The following RASL11B variants were observed in gnomAD, a reference collection of about 807,000 sequenced individuals.
RASL11B encodes ras-like protein family member 11B.
In RASL11B, 14 loss-of-function variants were observed where a neutral mutation model predicts 22.9. The ratio of observed to expected loss-of-function variants is 0.61; its 90% CI spans 0.40 to 0.96. The LOEUF (loss-of-function observed/expected upper bound fraction) is 0.96. Ranked by LOEUF, RASL11B falls within the 40% of genes least tolerant of loss-of-function variation. The pLI is 0.00. For missense variants in RASL11B, 261 were observed against 322.0 expected, an observed-to-expected ratio of 0.81 and a Z score of 1.45; for synonymous variants, 143 against 130.2, an observed-to-expected ratio of 1.10 and a Z score of -0.67.
chr4:52,864,445 G>A (rs1718221401), intron 2 of RASL11B, 33 bp from the exon 3 acceptor site: 1 of 1,335,596 alleles, frequency 7.5e-7, no homozygotes. Context: ...GTACAAGAAG[G>A]AAGAACATAA....
intron 2 of RASL11B, chr4:52,864,067 CTG>C (rs1217883543): frequency 6.0e-6 from 1 of 166,728 alleles, no homozygotes; most frequent in African/African-American, 2.4e-5. Context: ...ATAACATTGG[CTG>C]TGTGTTTACT....
chr4:52,863,428 T>A, intron 2 of RASL11B, 104 bp downstream of exon 2: 1 of 940,914 alleles, frequency 1.1e-6, no homozygotes, highest in South Asian at 1.4e-5. Flanking sequence ...AGTCCGAGCC[T>A]GAGGATCCCG....
At position 52,862,668 on chromosome 4, in the gene RASL11B, C is replaced by G. The variant is rs553572832; in HGVS notation, c.142+19C>G. 6.5e-7 allele frequency: 1 copy of G among 1,546,026 alleles called. No individual in the cohort carries two copies. The highest frequency in any genetic ancestry group is 8.6e-7 in the Non-Finnish European group (1 of 1,156,342). ...AAGACCGGTGAGTCGTCGCGCTTAG[C>G]CCTGGGTCTGGTCTTGGACGACCCC... On this transcript the variant is annotated intron_variant, in intron 1 of 3. Coordinates refer to ENST00000248706, the MANE Select transcript of RASL11B (RefSeq NM_023940.3).
In RASL11B at chr4:52,862,438, C is replaced by T. The variant is rs373135334; in HGVS notation, c.-70C>T. On this transcript the variant is annotated 5_prime_UTR_variant, in exon 1 of 4. Coordinates refer to ENST00000248706, the MANE Select transcript of RASL11B (RefSeq NM_023940.3). Reference sequence around the variant, plus strand: ...AGCCCCGCAGTCGGGTCCTCCCGCCCGCTCCCGCGCAGCGCTAGCATTCTC... The same window carrying T: ...AGCCCCGCAGTCGGGTCCTCCCGCCTGCTCCCGCGCAGCGCTAGCATTCTC... 7 of 1,523,662 alleles carry T rather than the reference C, an allele frequency of 4.6e-6. No homozygotes were observed. Among genetic ancestry groups the T allele is most frequent in the Middle Eastern group, 4.0e-4 (2 of 4,940 alleles). The allele number at this position is 1,523,662 out of a possible 1,614,324, so 94.4% of individuals were successfully genotyped here.
chr4:52,863,296 A>G lies in RASL11B; in HGVS notation c.171A>G (p.Arg57=). 1.2e-6 allele frequency: 2 copies of G among 1,613,832 alleles called. No individual in the cohort carries two copies. The highest frequency in any genetic ancestry group is 1.7e-6 in the Non-Finnish European group (2 of 1,179,914). ...TALVVRFLTK[R]FIGDYERNAG... ...TGGTGGTCCGGTTCCTCACCAAACG[A>G]TTCATCGGTGACTATGAAAGAAATG... is the stretch of plus-strand genomic sequence containing the variant. Residue 57 remains arginine (R), a synonymous_variant, in exon 2 of 4, where the codon CGA becomes CGG. Transcript: ENST00000248706.
In RASL11B at chr4:52,865,912, G is replaced by A. The variant is rs1170543363; in HGVS notation, c.*107G>A. The A allele has an allele frequency of 2.2e-5, 19 of 845,098 alleles. No homozygotes were observed. The African/African-American group carries it at 2.4e-4, about 11-fold the overall frequency. 52.3% of individuals were successfully genotyped at this position (845,098 alleles called of 1,614,324 possible). On this transcript the variant is annotated 3_prime_UTR_variant, in exon 4 of 4. Coordinates refer to ENST00000248706, the MANE Select transcript of RASL11B (RefSeq NM_023940.3). ...GCAATGATTCCTGGTTCCAGAAAGGGCTGGAGCAGAAGGGCCAAGAGGGCC... is the reference window on the plus strand; with the variant it reads ...GCAATGATTCCTGGTTCCAGAAAGGACTGGAGCAGAAGGGCCAAGAGGGCC...
chr4:52,862,618 C>T lies in RASL11B; in HGVS notation c.111C>T (p.Ala37=), dbSNP rs760717325. 3 of 1,589,080 alleles carry T rather than the reference C, an allele frequency of 1.9e-6. No individual in the cohort carries two copies. The highest frequency in any genetic ancestry group is 2.6e-6 in the Non-Finnish European group (3 of 1,173,380). Residue 37 remains alanine (A), a synonymous_variant, in exon 1 of 4, where the codon GCC becomes GCT. Coordinates refer to ENST00000248706, the MANE Select transcript of RASL11B (RefSeq NM_023940.3). ...GAAGRRLVKI[A]VVGASGVGKT... is the part of the protein sequence containing the mutation. ...CCGGCCGCCGCCTGGTCAAGATCGC[C>T]GTGGTGGGCGCCAGCGGCGTGGGCA...
At position 52,865,731 on chromosome 4, in the gene RASL11B, C is replaced by T. The variant is rs1204105682; in HGVS notation, c.673C>T (p.Pro225Ser). ...RTSLIPRPKS[P>S]NMQDLKRRFK... ...CTCCCTCATTCCCAGGCCCAAGTCACCCAACATGCAGGACCTGAAGAGGAG... is the reference window on the plus strand; with the variant it reads ...CTCCCTCATTCCCAGGCCCAAGTCATCCAACATGCAGGACCTGAAGAGGAG... The change falls in exon 4 of 4, where the codon CCC becomes TCC. Residue 225 changes from proline (P) to serine (S), a missense_variant. Physicochemically the swap from Pro to Ser is moderately conservative, Grantham distance 74 (BLOSUM62 -1). Transcript: ENST00000248706. The T allele has an allele frequency of 1.2e-6, 2 of 1,613,918 alleles. No homozygotes were observed. Among genetic ancestry groups the T allele is most frequent in the African/African-American group, 1.3e-5 (1 of 74,896 alleles).
rs1718177957 is a variant in RASL11B, at chr4:52,862,528, G to C, written c.21G>C (p.Met7Ile). MRLIQNMCTIAEYPAPG... is the reference protein window; with the variant it reads MRLIQNICTIAEYPAPG... ...AGGCGATGCGCCTCATTCAGAACAT[G>C]TGCACCATCGCCGAGTACCCCGCGC... The change falls in exon 1 of 4, where the codon ATG (methionine) becomes ATC (isoleucine). Residue 7 changes from methionine (M) to isoleucine (I), a missense_variant. Transcript: ENST00000248706. The C allele has an allele frequency of 6.2e-7, 1 of 1,606,918 alleles. No individual in the cohort carries two copies. Among genetic ancestry groups the C allele is most frequent in the Non-Finnish European group, 8.5e-7 (1 of 1,177,642 alleles).
At chr4:52,862,748 C>T in intron 1 of RASL11B, 99 bp downstream of exon 1, 4 of 1,348,092 alleles carry the variant, frequency 3.0e-6, no homozygotes, top group South Asian at 1.5e-5. Flanking sequence ...TGCAGCCCGA[C>T]CGCTCTCCGT....
At chr4:52,863,497 A>G (rs1006482801) in intron 2 of RASL11B, 173 bp downstream of exon 2, 2 of 624,020 alleles carry the variant, frequency 3.2e-6, no homozygotes, top group East Asian at 2.8e-5. Flanking sequence ...CATAACTACC[A>G]TCTGGCCTCA....
chr4:52,864,642 A>T, intron 3 of RASL11B, 88 bp downstream of exon 3: 1 of 899,796 alleles, frequency 1.1e-6, no homozygotes. Context: ...ATGCTGCAGG[A>T]TCAGAGAAAT....
chr4:52,865,185 C>A, intron 3 of RASL11B, 150 bp from the exon 4 acceptor site: 1 of 613,366 alleles, frequency 1.6e-6, no homozygotes, highest in Non-Finnish European at 2.8e-6. Context: ...AACATATTGT[C>A]AAGAAAGCTG....
At chr4:52,863,532 T>C (rs1177665909) in intron 2 of RASL11B, 2 of 592,070 alleles carry the variant, frequency 3.4e-6, no homozygotes, top group African/African-American at 3.7e-5. Context: ...CATTCATCAT[T>C]TTATCAAGTG....
At chr4:52,863,402 A>AC in intron 2 of RASL11B, 78 bp downstream of exon 2, 1 of 1,224,716 alleles carries the variant, frequency 8.2e-7, no homozygotes, top group Non-Finnish European at 1.2e-6. Flanking sequence ...CTTCCCAGGG[A>AC]GGTTCTTTCA....
intron 2 of RASL11B, among the ~76,000 whole-genome samples, chr4:52,863,820 T>C (rs925091632): frequency 1.3e-5 from 2 of 152,090 alleles, no homozygotes; most frequent in African/African-American, 2.4e-5. Context: ...GGAGGAGAAT[T>C]CCCGAATAAA....
intron 1 of RASL11B, among the ~76,000 whole-genome samples, chr4:52,862,918 T>G (rs777315919): frequency 2.0e-5 from 3 of 152,248 alleles, no homozygotes; most frequent in South Asian, 4.2e-4. Flanking sequence ...TGTTTGAGCC[T>G]CTGGCAATGC....
chr4:52,865,761 A>C lies in RASL11B; in HGVS notation c.703A>C (p.Lys235Gln). The C allele has an allele frequency of 1.2e-6, 2 of 1,613,964 alleles. No homozygotes were observed. The highest frequency in any genetic ancestry group is 1.7e-6 in the Non-Finnish European group (2 of 1,180,012). The stretch of plus-strand genomic sequence containing the variant: ...CATGCAGGACCTGAAGAGGAGGTTT[A>C]AGCAAGCCCTCTCTGCCAAAGTGAG... Reference protein sequence around the residue: ...PNMQDLKRRFKQALSAKVRTV... With the variant: ...PNMQDLKRRFQQALSAKVRTV... The change falls in exon 4 of 4, where the codon AAG (lysine) becomes CAG (glutamine). Residue 235 changes from lysine (K) to glutamine (Q), a missense_variant. Coordinates refer to ENST00000248706, the MANE Select transcript of RASL11B (RefSeq NM_023940.3).
At chr4:52,865,253 C>G (rs1296686075) in intron 3 of RASL11B, 82 bp from the exon 4 acceptor site, 2 of 1,194,942 alleles carry the variant, frequency 1.7e-6, no homozygotes, top group Non-Finnish European at 1.2e-6. Context: ...ATGAAGGGCT[C>G]TTTTGAATTT....
Sources: allele counts gnomAD v4.1 joint callset (sites outside exome capture counted in the v4.1 genomes callset), GRCh38; gene constraint gnomAD v4.1.1; transcripts MANE v1.5; gene names NCBI Gene and HGNC (gene_info 2026-07-23, HGNC 2026-07-21).